DNAAF4: variants seen among roughly 807,000 people sequenced by gnomAD.
The protein encoded by DNAAF4 is dynein assembly factor 4, axonemal.
DNAAF4 carries 43 observed loss-of-function variants against 51.8 expected under a neutral mutation model. The ratio of observed to expected loss-of-function variants is 0.83; its 90% CI spans 0.65 to 1.07. The LOEUF is 1.07. DNAAF4 is among the 50% of genes least tolerant of loss of function. DNAAF4 has a pLI of 0.00. For synonymous variants in DNAAF4, 194 were observed against 165.6 expected, an observed-to-expected ratio of 1.17 and a Z score of -1.32; for missense variants, 581 against 493.0, an observed-to-expected ratio of 1.18 and a Z score of -1.69.
In DNAAF4 at chr15:55,471,920, ACCTCC is replaced by A. The variant is rs1303704279; in HGVS notation, c.406-4764_406-4760del. Among the ~76,000 whole-genome samples the A allele has an allele frequency of 1.1e-4, 17 of 151,870 alleles. No individual in the cohort carries two copies. The East Asian group carries it at 3.3e-3, about 30-fold the overall frequency. On this transcript the variant is annotated intron_variant, in intron 4 of 9. Transcript: ENST00000321149. The stretch of plus-strand genomic sequence containing the variant: ...AGTAGCACGATCTTCGCTCACTGCA[ACCTCC>A]GCCTCTCGGGTTCAAGCAATTATCC...
intron 4 of DNAAF4, among the ~76,000 whole-genome samples, chr15:55,482,608 A>G (rs1156731846): frequency 1.3e-5 from 2 of 152,082 alleles, no homozygotes; most frequent in Non-Finnish European, 2.9e-5. Flanking sequence ...GAACCCAGGA[A>G]GGAGAGGTTG....
chr15:55,433,540 G>A (rs935556519), intron 8 of DNAAF4, among the ~76,000 whole-genome samples: 1 of 148,974 alleles, frequency 6.7e-6, no homozygotes, highest in Non-Finnish European at 1.5e-5. Context: ...GCAGGAGAAT[G>A]GCGTGAACCG....
At chr15:55,441,929 A>C (rs933203784) in intron 6 of DNAAF4, among the ~76,000 whole-genome samples, 4 of 152,204 alleles carry the variant, frequency 2.6e-5, no homozygotes, top group African/African-American at 9.6e-5. Flanking sequence ...AGATACAACA[A>C]AGCTAGCTTT....
chr15:55,489,128 T>C lies in DNAAF4; in HGVS notation c.405+1995A>G, dbSNP rs554566768. Among the ~76,000 whole-genome samples, 97 of 151,722 alleles carry C rather than the reference T, an allele frequency of 6.4e-4. 1 individual carries two copies. The South Asian group carries it at 0.019, about 30-fold the overall frequency. On this transcript the variant is annotated intron_variant, in intron 4 of 9. Coordinates refer to ENST00000321149, the MANE Select transcript of DNAAF4 (RefSeq NM_130810.4). ...AAAAACAAACCTTCAAGGTACAACATAGTGGTGCTTCCTGCTGGTCAACTG... is the reference window on the plus strand; with the variant it reads ...AAAAACAAACCTTCAAGGTACAACACAGTGGTGCTTCCTGCTGGTCAACTG...
At chr15:55,488,950 G>T (rs1239081097) in intron 4 of DNAAF4, among the ~76,000 whole-genome samples, 1 of 152,030 alleles carries the variant, frequency 6.6e-6, no homozygotes, top group Non-Finnish European at 1.5e-5. Context: ...TTAGCCAGGC[G>T]TAGTGGCAGG....
chr15:55,497,768 A>G lies in DNAAF4; in HGVS notation c.215T>C (p.Val72Ala). ...SKAKIGNDTI[V>A]FTLYKKEAAM... Reference sequence around the variant, plus strand: ...CGCTTCTTTTTTATACAAGGTGAAGACAATGGTGTCATTCCCAATCTTTGC... The same window carrying G: ...CGCTTCTTTTTTATACAAGGTGAAGGCAATGGTGTCATTCCCAATCTTTGC... The change falls in exon 3 of 10, where the codon GTC (valine) becomes GCC (alanine). Residue 72 changes from valine to alanine, a missense_variant. Physicochemically the swap from Val to Ala is moderately conservative, Grantham distance 64. Coordinates refer to ENST00000321149, the MANE Select transcript of DNAAF4 (RefSeq NM_130810.4). 1 of 1,614,094 alleles carries G rather than the reference A, an allele frequency of 6.2e-7. No individual in the cohort carries two copies. The highest frequency in any genetic ancestry group is 8.5e-7 in the Non-Finnish European group (1 of 1,180,008).
At chr15:55,427,852 C>A (rs1399647759), downstream of DNAAF4, among the ~76,000 whole-genome samples, 1 of 151,788 alleles carries the variant, frequency 6.6e-6, no homozygotes, top group Non-Finnish European at 1.5e-5. Context: ...TCAGGCTGGT[C>A]TCGAACTCCC....
chr15:55,450,439 T>C (rs992073386), intron 5 of DNAAF4, 72 bp from the exon 6 acceptor site: 4 of 1,495,142 alleles, frequency 2.7e-6, no homozygotes, highest in Non-Finnish European at 2.7e-6. Flanking sequence ...GATAAAGTAA[T>C]TACACATCAA....
rs114408687 is a variant in DNAAF4 at position 55,486,099 on chromosome 15, A to T, written c.405+5024T>A. ...GGCATCAGTATTCCAAGCTTCCACT[A>T]ATCACCTCATATCCCTATACCTCCA... On this transcript the variant is annotated intron_variant, in intron 4 of 9. Coordinates refer to ENST00000321149, the MANE Select transcript of DNAAF4 (RefSeq NM_130810.4). Among the ~76,000 whole-genome samples the T allele has an allele frequency of 7.8e-3, 1,177 of 151,330 alleles. 13 individuals are homozygous for T. The highest frequency in any genetic ancestry group is 0.024 in the African/African-American group (990 of 41,238).
chr15:55,465,144 C>T (rs2058149827), intron 5 of DNAAF4, among the ~76,000 whole-genome samples: 1 of 142,810 alleles, frequency 7.0e-6, no homozygotes, highest in Non-Finnish European at 1.6e-5. Flanking sequence ...CACTTTTACA[C>T]TGCTGGTGGG....
At chr15:55,425,240 T>C (rs1337540776) in intron 7 of DNAAF4, among the ~76,000 whole-genome samples, 1 of 152,212 alleles carries the variant, frequency 6.6e-6, no homozygotes, top group Admixed American at 6.5e-5. Flanking sequence ...CCACCATCAA[T>C]ATCTGATCAC....
intron 5 of DNAAF4, among the ~76,000 whole-genome samples, chr15:55,455,628 C>A (rs891146694): frequency 1.3e-5 from 2 of 151,890 alleles, no homozygotes; most frequent in Non-Finnish European, 2.9e-5. Context: ...GACAGGGTTT[C>A]GCCATGTTGC....
At position 55,466,672 on chromosome 15, in the gene DNAAF4, A is replaced by G. The variant is rs554805574; in HGVS notation, c.637+258T>C. On this transcript the variant is annotated intron_variant, in intron 5 of 9. Transcript: ENST00000321149. ...AGCACTTATTTAACAACATCTTTGT[A>G]AATTTCAAAAGAAAGCACACAAGCA... is the stretch of plus-strand genomic sequence containing the variant. Among the ~76,000 whole-genome samples the G allele has an allele frequency of 2.0e-5, 3 of 151,122 alleles. No homozygotes were observed. In the East Asian group the frequency reaches 5.8e-4, roughly 29 times the overall value.
intron 4 of DNAAF4, among the ~76,000 whole-genome samples, chr15:55,485,541 C>T (rs1477620572): frequency 6.6e-6 from 1 of 151,908 alleles, no homozygotes; most frequent in African/African-American, 2.4e-5. Context: ...TAAGAAACCA[C>T]AGCAGAAAAA....
intron 5 of DNAAF4, among the ~76,000 whole-genome samples, chr15:55,464,274 C>T (rs2058137123): frequency 6.6e-6 from 1 of 152,126 alleles, no homozygotes; most frequent in African/African-American, 2.4e-5. Flanking sequence ...AAACTGGATC[C>T]TCATCTCTCC....
Position 55,497,787 on chromosome 15 carries a change from T to A in DNAAF4, c.196A>T (p.Ile66Phe), listed in dbSNP as rs2058660435. The A allele has an allele frequency of 1.3e-6, 2 of 1,590,486 alleles. No homozygotes were observed. Among genetic ancestry groups the A allele is most frequent in the Non-Finnish European group, 1.7e-6 (2 of 1,166,204 alleles). ...GTGAAGACAATGGTGTCATTCCCAA[T>A]CTTTGCTTTGCTGCTCTCATCGTCT... ...PIDDESSKAK[I>F]GNDTIVFTLY... Residue 66 changes from isoleucine (I) to phenylalanine (F), a missense_variant, in exon 3 of 10, where the codon ATT (isoleucine) becomes TTT (phenylalanine). Transcript: ENST00000321149.
chr15:55,473,260 T>A (rs1247240045), intron 4 of DNAAF4, among the ~76,000 whole-genome samples: 2 of 136,580 alleles, frequency 1.5e-5, no homozygotes, highest in African/African-American at 5.3e-5. Context: ...TGTATATATA[T>A]GTGTATATAT....
chr15:55,490,733 C>G (rs900187853), intron 4 of DNAAF4, among the ~76,000 whole-genome samples: 3 of 152,110 alleles, frequency 2.0e-5, no homozygotes, highest in Non-Finnish European at 4.4e-5. Flanking sequence ...ACGGGCAGAT[C>G]ACGAGGTCAG....
chr15:55,498,537 G>T lies in DNAAF4; in HGVS notation c.-208C>A. On this transcript the variant is annotated 5_prime_UTR_variant, in exon 2 of 10. Coordinates refer to ENST00000321149, the MANE Select transcript of DNAAF4 (RefSeq NM_130810.4). The stretch of plus-strand genomic sequence containing the variant: ...CCAGAGAGTGATGCCGATTCTTGGG[G>T]TTACCTTACGATCTGAGCGAATGTT... 1 of 420,946 alleles carries T rather than the reference G, an allele frequency of 2.4e-6. No individual in the cohort carries two copies. The highest frequency in any genetic ancestry group is 4.0e-6 in the Non-Finnish European group (1 of 247,536). The allele number at this position is 420,946 out of a possible 1,614,324, so 26.1% of individuals were successfully genotyped here. A position where few individuals can be genotyped will look rare whatever the true frequency, so the allele number is the denominator to read the frequency against.
Sources: allele counts gnomAD v4.1 joint callset (sites outside exome capture counted in the v4.1 genomes callset), GRCh38; gene constraint gnomAD v4.1.1; transcripts MANE v1.5; gene names NCBI Gene and HGNC (gene_info 2026-07-23, HGNC 2026-07-21).